Variants in MTUS2 observed in about 807,000 individuals in gnomAD.
MTUS2 encodes microtubule associated scaffold protein 2.
A neutral mutation model predicts 114.1 loss-of-function variants in MTUS2; 40 were observed. The observed-to-expected ratio is 0.35, with a 90% CI of 0.27 to 0.46. The LOEUF is 0.46. MTUS2 is among the 20% of genes least tolerant of loss of function. The probability of loss-of-function intolerance (pLI) is 1.00; values close to 1 mark genes in which losing one functional copy is unlikely to be tolerated. For synonymous variants in MTUS2, 688 were observed against 672.0 expected, an observed-to-expected ratio of 1.02 and a Z score of -0.37; for missense variants, 1,679 against 1,705.4, an observed-to-expected ratio of 0.98 and a Z score of 0.27.
chr13:29,156,220 A>G (rs185685026), intron 5 of MTUS2, among the ~76,000 whole-genome samples: 1 of 152,140 alleles, frequency 6.6e-6, no homozygotes, highest in African/African-American at 2.4e-5. Context: ...TTGAATTATA[A>G]GTGATTATAA....
chr13:29,162,107 TTC>T (rs1893124215), intron 5 of MTUS2, among the ~76,000 whole-genome samples: 1 of 152,206 alleles, frequency 6.6e-6, no homozygotes. Context: ...CAGAGGTCCC[TTC>T]TCTCTGTGTG....
At chr13:29,126,021 A>G (rs541801861) in intron 5 of MTUS2, among the ~76,000 whole-genome samples, 38 of 152,202 alleles carry the variant, frequency 2.5e-4, no homozygotes, top group Non-Finnish European at 5.0e-4. Flanking sequence ...TATTCTACTC[A>G]GACTGCTGTG....
chr13:29,460,588 T>C (rs17658743), intron 9 of MTUS2, among the ~76,000 whole-genome samples: 9,748 of 152,278 alleles, frequency 0.064, 350 homozygotes, highest in African/African-American at 0.085. Flanking sequence ...TTTTCTATCC[T>C]CAAGTCCTGT....
intron 5 of MTUS2, among the ~76,000 whole-genome samples, chr13:29,269,607 G>A (rs77051932): frequency 0.018 from 2,786 of 152,138 alleles, 44 homozygotes; most frequent in Non-Finnish European, 0.024. Flanking sequence ...GTATACTGTC[G>A]GTGAGCGTGT....
chr13:29,275,774 A>T (rs577566235), intron 5 of MTUS2, among the ~76,000 whole-genome samples: 1 of 152,290 alleles, frequency 6.6e-6, no homozygotes, highest in Admixed American at 6.5e-5. Flanking sequence ...TCACCTATTG[A>T]TGGACACTTC....
intron 2 of MTUS2, among the ~76,000 whole-genome samples, chr13:29,009,157 A>G (rs956591891): frequency 6.6e-6 from 1 of 151,786 alleles, no homozygotes; most frequent in African/African-American, 2.4e-5. Context: ...ATAGCACCCT[A>G]TACTTGTTTT....
intron 2 of MTUS2, among the ~76,000 whole-genome samples, chr13:28,956,976 A>G (rs1002037406): frequency 1.3e-5 from 2 of 151,082 alleles, no homozygotes; most frequent in African/African-American, 4.9e-5. Flanking sequence ...GCTGCCCTAG[A>G]GATAGGTGAG....
chr13:28,921,488 G>A (rs1423375902), intron 2 of MTUS2, among the ~76,000 whole-genome samples: 1 of 152,150 alleles, frequency 6.6e-6, no homozygotes, highest in Non-Finnish European at 1.5e-5. Flanking sequence ...GCACTGCCTG[G>A]AGTTGAGGGA....
At chr13:29,440,450 A>G (rs1877752952) in intron 9 of MTUS2, among the ~76,000 whole-genome samples, 1 of 152,224 alleles carries the variant, frequency 6.6e-6, no homozygotes, top group Admixed American at 6.5e-5. Context: ...AACAAGGTCA[A>G]AAGCACAAAT....
intron 5 of MTUS2, among the ~76,000 whole-genome samples, chr13:29,221,304 A>T (rs552974748): frequency 6.6e-6 from 1 of 152,266 alleles, no homozygotes; most frequent in Non-Finnish European, 1.5e-5. Flanking sequence ...TTAAAAGGCA[A>T]TGGCCAAATG....
chr13:29,227,174 A>G (rs559256829), intron 5 of MTUS2, among the ~76,000 whole-genome samples: 5 of 147,356 alleles, frequency 3.4e-5, no homozygotes, highest in African/African-American at 1.3e-4. Context: ...TAGGAGAATC[A>G]CTTGAACCTG....
intron 8 of MTUS2, among the ~76,000 whole-genome samples, chr13:29,433,915 G>T (rs992461404): frequency 6.6e-6 from 1 of 152,126 alleles, no homozygotes; most frequent in African/African-American, 2.4e-5. Context: ...AGATCTGGAG[G>T]TTTCATCAAA....
chr13:29,078,411 A>G (rs912827120), intron 4 of MTUS2, among the ~76,000 whole-genome samples: 6 of 152,226 alleles, frequency 3.9e-5, no homozygotes, highest in Admixed American at 1.3e-4. Context: ...ATAGATTGGG[A>G]AAACAGCCAT....
At chr13:28,862,170 A>T (rs1445508321) in intron 2 of MTUS2, among the ~76,000 whole-genome samples, 1 of 152,210 alleles carries the variant, frequency 6.6e-6, no homozygotes, top group Non-Finnish European at 1.5e-5. Context: ...GAATGGGCTT[A>T]TTCAACAATA....
chr13:28,875,586 G>A (rs751960662), intron 2 of MTUS2, among the ~76,000 whole-genome samples: 1 of 152,208 alleles, frequency 6.6e-6, no homozygotes. Flanking sequence ...GCCCACATAA[G>A]TAAATCTGCA....
intron 5 of MTUS2, among the ~76,000 whole-genome samples, chr13:29,147,168 A>G (rs1892470759): frequency 1.3e-5 from 2 of 152,172 alleles, no homozygotes; most frequent in South Asian, 4.1e-4. Context: ...GAAAGGAGAT[A>G]ACGTTCATTT....
intron 2 of MTUS2, among the ~76,000 whole-genome samples, chr13:28,958,500 A>T (rs1486056106): frequency 6.6e-6 from 1 of 152,174 alleles, no homozygotes; most frequent in Non-Finnish European, 1.5e-5. Context: ...TGAAGTGAAG[A>T]GTCTGTTATT....
intron 5 of MTUS2, among the ~76,000 whole-genome samples, chr13:29,175,610 G>A (rs1893740109): frequency 6.6e-6 from 1 of 152,146 alleles, no homozygotes. Flanking sequence ...TATTTCCAGT[G>A]TTTTGTTAGA....
intron 4 of MTUS2, among the ~76,000 whole-genome samples, chr13:29,056,858 G>T (rs1215624048): frequency 6.6e-6 from 1 of 151,880 alleles, no homozygotes; most frequent in Non-Finnish European, 1.5e-5. Flanking sequence ...GCTAGCTTTG[G>T]GGTTGGTTTG....
Sources: allele counts gnomAD v4.1 joint callset (sites outside exome capture counted in the v4.1 genomes callset), GRCh38; gene constraint gnomAD v4.1.1; transcripts MANE v1.5; gene names NCBI Gene and HGNC (gene_info 2026-07-23, HGNC 2026-07-21).